HDAC8: variants seen among roughly 807,000 people sequenced by gnomAD.
HDAC8 encodes the protein histone deacetylase-like 1.
In HDAC8, 1 loss-of-function variant was observed where a neutral mutation model predicts 32.2. The ratio of observed to expected loss-of-function variants is 0.03; its 90% CI spans 0.01 to 0.15. The LOEUF (loss-of-function observed/expected upper bound fraction) is 0.15. HDAC8 is among the 10% of genes least tolerant of loss of function. HDAC8 has a pLI of 1.00. For missense variants in HDAC8, 117 were observed against 300.0 expected (o/e 0.39, Z 4.51); for synonymous variants, 108 against 113.9 (o/e 0.95, Z 0.33).
intron 9 of HDAC8, among the ~76,000 whole-genome samples, chrX:72,383,899 C>G (rs904942748): frequency 1.1e-3 from 121 of 107,938 alleles, no homozygotes; most frequent in Non-Finnish European, 2.1e-3. Flanking sequence ...AAAGAGGTAG[C>G]CTTTTCCCCT....
chrX:72,437,131 G>A (rs1432623588), intron 9 of HDAC8, among the ~76,000 whole-genome samples: 1 of 111,360 alleles, frequency 9.0e-6, no homozygotes, highest in Non-Finnish European at 1.9e-5. Context: ...ATTTCCAACT[G>A]AGGTACCTGG....
chrX:72,421,092 T>C (rs1480825733), intron 9 of HDAC8, among the ~76,000 whole-genome samples: 2 of 111,769 alleles, frequency 1.8e-5, no homozygotes, highest in Non-Finnish European at 3.8e-5. Flanking sequence ...GTGAACCATT[T>C]TGGATCTCTT....
chrX:72,570,845 C>G (rs2052004839), intron 2 of HDAC8, among the ~76,000 whole-genome samples: 1 of 112,026 alleles, frequency 8.9e-6, no homozygotes, highest in African/African-American at 3.2e-5. Flanking sequence ...TGGCAATAAA[C>G]AGCAAGTTCA....
intron 4 of HDAC8, among the ~76,000 whole-genome samples, chrX:72,522,297 A>G (rs782478331): frequency 4.4e-5 from 5 of 112,716 alleles, no homozygotes; most frequent in Non-Finnish European, 9.4e-5. Flanking sequence ...AAAGTTTGTA[A>G]CATTATCTCT....
At chrX:72,515,587 T>G (rs868940443) in intron 4 of HDAC8, among the ~76,000 whole-genome samples, 1 of 33,744 alleles carries the variant, frequency 3.0e-5, no homozygotes, top group Non-Finnish European at 6.3e-5. Context: ...TCAGTGTGTG[T>G]GGGGGGGGGG....
intron 2 of HDAC8, 132 bp downstream of exon 2, chrX:72,571,925 A>C (rs1556158265): frequency 3.8e-6 from 2 of 528,842 alleles, no homozygotes; most frequent in African/African-American, 5.0e-5. Flanking sequence ...GATTACAAAC[A>C]CTGTGAATAC....
intron 9 of HDAC8, among the ~76,000 whole-genome samples, chrX:72,357,016 G>A (rs782767040): frequency 9.0e-5 from 10 of 111,052 alleles, no homozygotes; most frequent in Non-Finnish European, 1.7e-4. Flanking sequence ...GAAGGCTGCT[G>A]CTGTAGCCCT....
chrX:72,511,085 T>G (rs1556021690), intron 4 of HDAC8, among the ~76,000 whole-genome samples: 1 of 111,477 alleles, frequency 9.0e-6, no homozygotes, highest in African/African-American at 3.3e-5. Context: ...CTTTTAGTGA[T>G]AGCAAGATTC....
intron 10 of HDAC8, among the ~76,000 whole-genome samples, chrX:72,345,067 T>C (rs1602532022): frequency 9.0e-6 from 1 of 111,602 alleles, no homozygotes; most frequent in African/African-American, 3.3e-5. Context: ...CTCCCTAACC[T>C]AGATTTCTCA....
intron 9 of HDAC8, among the ~76,000 whole-genome samples, chrX:72,361,393 T>A (rs1052505310): frequency 3.6e-5 from 4 of 111,530 alleles, no homozygotes; most frequent in African/African-American, 6.5e-5. Flanking sequence ...TTATTATAAT[T>A]ATTATTATTA....
At chrX:72,367,944 C>T (rs1297249389) in intron 9 of HDAC8, among the ~76,000 whole-genome samples, 2 of 112,834 alleles carry the variant, frequency 1.8e-5, no homozygotes, top group African/African-American at 6.4e-5. Flanking sequence ...GTGTGATTGG[C>T]ACAAAATATA....
intron 4 of HDAC8, among the ~76,000 whole-genome samples, chrX:72,552,021 C>G (rs2051087262): frequency 8.9e-6 from 1 of 112,476 alleles, no homozygotes; most frequent in African/African-American, 3.2e-5. Flanking sequence ...AATGTTAACA[C>G]TCTGACCACA....
chrX:72,410,269 T>C (rs2046155924), intron 9 of HDAC8, among the ~76,000 whole-genome samples: 1 of 110,240 alleles, frequency 9.1e-6, no homozygotes, highest in African/African-American at 3.3e-5. Flanking sequence ...ACCGTTAAAG[T>C]GAAGCCATAA....
intron 10 of HDAC8, among the ~76,000 whole-genome samples, chrX:72,342,359 G>C (rs1374767360): frequency 8.9e-6 from 1 of 112,404 alleles, no homozygotes; most frequent in Admixed American, 9.4e-5. Flanking sequence ...CTGCCCCTCA[G>C]TGGCAAGGCC....
chrX:72,440,863 G>A (rs984274823), intron 9 of HDAC8, among the ~76,000 whole-genome samples: 12 of 112,593 alleles, frequency 1.1e-4, no homozygotes, highest in East Asian at 2.8e-4. Flanking sequence ...CTTAAAAAAC[G>A]GCGCACCAGG....
At chrX:72,571,519 T>C (rs2052049158) in intron 2 of HDAC8, among the ~76,000 whole-genome samples, 1 of 105,239 alleles carries the variant, frequency 9.5e-6, no homozygotes, top group African/African-American at 3.4e-5. Flanking sequence ...CACTCCCCTG[T>C]CCCAAGTTTT....
intron 9 of HDAC8, among the ~76,000 whole-genome samples, chrX:72,458,942 C>G (rs1184783332): frequency 1.8e-5 from 2 of 111,494 alleles, no homozygotes; most frequent in Non-Finnish European, 3.8e-5. Context: ...ATCCTTCCTA[C>G]TGTCTCTCAT....
At position 72,474,698 on chromosome X, in the gene HDAC8, A is replaced by G. The variant is rs782654318; in HGVS notation, c.738-9967T>C. 1.2e-5 allele frequency: 15 copies of G among 1,201,171 alleles called. No homozygotes were observed. The highest frequency in any genetic ancestry group is 1.2e-4 in the East Asian group (4 of 33,627). ...AAGACAAGCTGCGGCAGCTGCTTCT[A>G]CAGGCCTGGATTTGGGGCAGGAGGT... On this transcript the variant is annotated intron_variant, in intron 7 of 10. Coordinates refer to ENST00000373573, the MANE Select transcript of HDAC8 (RefSeq NM_018486.3).
intron 9 of HDAC8, among the ~76,000 whole-genome samples, chrX:72,386,777 G>A (rs1267107771): frequency 4.5e-5 from 5 of 111,387 alleles, no homozygotes; most frequent in African/African-American, 1.6e-4. Flanking sequence ...GGGTGTATCC[G>A]GCTTCAGGAA....
Sources: allele counts gnomAD v4.1 joint callset (sites outside exome capture counted in the v4.1 genomes callset), GRCh38; gene constraint gnomAD v4.1.1; transcripts MANE v1.5; gene names NCBI Gene and HGNC (gene_info 2026-07-23, HGNC 2026-07-21).